APBB2: variants seen among roughly 807,000 people sequenced by gnomAD.
APBB2 encodes the protein Fe65-like 1.
Under a neutral mutation model 82.5 loss-of-function variants are expected in APBB2, and 38 were observed. That is an observed-to-expected ratio of 0.46 (90% CI 0.36 to 0.60). APBB2 has a LOEUF of 0.60. Among genes scored for constraint, APBB2 ranks in the 20% least tolerant of loss-of-function variants. The pLI is 0.00. For missense variants in APBB2, 772 were observed against 972.3 expected (o/e 0.79, Z 2.74); for synonymous variants, 341 against 368.2 (o/e 0.93, Z 0.85).
At chr4:41,171,712 C>A (rs965856478) in intron 1 of APBB2, among the ~76,000 whole-genome samples, 7 of 152,180 alleles carry the variant, frequency 4.6e-5, no homozygotes, top group Non-Finnish European at 1.0e-4. Context: ...AATCCCAGCA[C>A]GTTAGGAGGC....
chr4:41,075,986 T>C (rs533836066), intron 3 of APBB2, among the ~76,000 whole-genome samples: 8 of 152,306 alleles, frequency 5.3e-5, no homozygotes, highest in East Asian at 1.9e-4. Flanking sequence ...GTACATGTGA[T>C]AGATTACAAC....
At chr4:40,862,856 CAAAAA>C (rs34255688) in intron 12 of APBB2, among the ~76,000 whole-genome samples, 2 of 118,620 alleles carry the variant, frequency 1.7e-5, no homozygotes. Flanking sequence ...GACTCCATCT[CAAAAA>C]AAAAAAAAAA....
At chr4:41,171,258 T>A (rs1169887932) in intron 1 of APBB2, among the ~76,000 whole-genome samples, 1 of 152,218 alleles carries the variant, frequency 6.6e-6, no homozygotes, top group Non-Finnish European at 1.5e-5. Context: ...ATTTCCAGAT[T>A]ACCATAGCTG....
At chr4:41,191,330 T>C (rs1774380247) in intron 1 of APBB2, among the ~76,000 whole-genome samples, 1 of 152,216 alleles carries the variant, frequency 6.6e-6, no homozygotes. Context: ...TGCAACAATC[T>C]AATTCCCCTG....
rs12644365 is a variant in APBB2, at chr4:40,843,535, G to A, written c.1530-12958C>T. Among the ~76,000 whole-genome samples, 763 of 152,264 alleles carry A rather than the reference G, an allele frequency of 5.0e-3. 14 individuals are homozygous for A. The East Asian group carries it at 0.069, about 14-fold the overall frequency. On this transcript the variant is annotated intron_variant, in intron 12 of 17. Transcript: ENST00000508593. The stretch of plus-strand genomic sequence containing the variant: ...GTAAAAAACTTGGAATATAATACCC[G>A]AACTGTCAACTGTAATATGGAAAGA...
At chr4:40,848,480 G>T (rs893309744) in intron 12 of APBB2, among the ~76,000 whole-genome samples, 1 of 152,172 alleles carries the variant, frequency 6.6e-6, no homozygotes, top group Non-Finnish European at 1.5e-5. Flanking sequence ...CCTAGCACCT[G>T]AGCCTGGCTC....
intron 1 of APBB2, among the ~76,000 whole-genome samples, chr4:41,197,927 C>A: frequency 6.6e-6 from 1 of 152,146 alleles, no homozygotes; most frequent in African/African-American, 2.4e-5. Context: ...AAATTTGAGG[C>A]CTTTCTGGTT....
chr4:40,838,619 G>A (rs1393338169), intron 12 of APBB2, among the ~76,000 whole-genome samples: 1 of 152,156 alleles, frequency 6.6e-6, no homozygotes, highest in African/African-American at 2.4e-5. Context: ...ACAGGCGTGA[G>A]CCACGCGCCT....
intron 12 of APBB2, among the ~76,000 whole-genome samples, chr4:40,846,495 T>C (rs1017491455): frequency 3.9e-5 from 6 of 152,150 alleles, no homozygotes; most frequent in Middle Eastern, 3.2e-3. Context: ...ACTGAATTTA[T>C]GCAAATTTAC....
At chr4:41,108,555 A>C (rs1303314147) in intron 2 of APBB2, among the ~76,000 whole-genome samples, 1 of 152,236 alleles carries the variant, frequency 6.6e-6, no homozygotes, top group Non-Finnish European at 1.5e-5. Context: ...GGTTTAAAAC[A>C]TTCAGCCTGT....
intron 10 of APBB2, among the ~76,000 whole-genome samples, chr4:40,918,451 T>C (rs371814231): frequency 6.6e-6 from 1 of 152,278 alleles, no homozygotes; most frequent in African/African-American, 2.4e-5. Flanking sequence ...AAATGTTTTA[T>C]AGGCACTACA....
intron 4 of APBB2, among the ~76,000 whole-genome samples, chr4:41,049,466 G>A (rs1725039597): frequency 6.8e-6 from 1 of 147,906 alleles, no homozygotes; most frequent in Admixed American, 6.6e-5. Flanking sequence ...GGGAGGTGGG[G>A]GGCAGCCCCC....
intron 1 of APBB2, among the ~76,000 whole-genome samples, chr4:41,146,570 C>T (rs1039386711): frequency 6.6e-6 from 1 of 152,192 alleles, no homozygotes; most frequent in Non-Finnish European, 1.5e-5. Flanking sequence ...CTTATGTCCA[C>T]ACAGCCTTGG....
At chr4:41,062,046 A>G (rs1193251622) in intron 4 of APBB2, among the ~76,000 whole-genome samples, 2 of 152,238 alleles carry the variant, frequency 1.3e-5, no homozygotes, top group East Asian at 3.8e-4. Context: ...GCCCCAGGTC[A>G]AATTGGCTTT....
At chr4:41,054,767 GACC>G (rs1727246759) in intron 4 of APBB2, among the ~76,000 whole-genome samples, 1 of 152,034 alleles carries the variant, frequency 6.6e-6, no homozygotes, top group Non-Finnish European at 1.5e-5. Flanking sequence ...ATCACAACTT[GACC>G]ACTGAGAAGC....
In APBB2 at chr4:41,108,077, T is replaced by A. The variant is rs576990182; in HGVS notation, c.-260-7327A>T. Among the ~76,000 whole-genome samples, 9 of 152,292 alleles carry A rather than the reference T, an allele frequency of 5.9e-5. No homozygotes were observed. In the South Asian group the frequency reaches 1.9e-3, roughly 32 times the overall value. On this transcript the variant is annotated intron_variant, in intron 2 of 17. Coordinates refer to ENST00000508593, the MANE Select transcript of APBB2 (RefSeq NM_004307.2). Reference sequence around the variant, plus strand: ...GCTTGAGAAATACATGTTGAAAAGGTCATAATCTCTACAACTAACTCAGAT... The same window carrying A: ...GCTTGAGAAATACATGTTGAAAAGGACATAATCTCTACAACTAACTCAGAT...
At chr4:40,919,671 C>T (rs753187435) in intron 10 of APBB2, among the ~76,000 whole-genome samples, 1 of 152,180 alleles carries the variant, frequency 6.6e-6, no homozygotes, top group Non-Finnish European at 1.5e-5. Context: ...CTAACTCACC[C>T]CGACTGGCAG....
At chr4:41,118,984 C>T (rs1378798123) in intron 2 of APBB2, among the ~76,000 whole-genome samples, 1 of 151,922 alleles carries the variant, frequency 6.6e-6, no homozygotes, top group Non-Finnish European at 1.5e-5. Context: ...TACAAAAATA[C>T]AAAAATTAGC....
chr4:41,061,791 T>C (rs746590965), intron 4 of APBB2, among the ~76,000 whole-genome samples: 4 of 152,228 alleles, frequency 2.6e-5, no homozygotes, highest in Non-Finnish European at 5.9e-5. Flanking sequence ...TGAAAGGAGA[T>C]AGCCTGGAAA....
Sources: allele counts gnomAD v4.1 joint callset (sites outside exome capture counted in the v4.1 genomes callset), GRCh38; gene constraint gnomAD v4.1.1; transcripts MANE v1.5; gene names NCBI Gene and HGNC (gene_info 2026-07-23, HGNC 2026-07-21).